GPATCH2: variants seen among roughly 807,000 people sequenced by gnomAD.
The protein encoded by GPATCH2 is G-patch domain containing 2, also known as G patch domain-containing protein 2.
Under a neutral mutation model 58.0 loss-of-function variants are expected in GPATCH2, and 51 were observed. That is an observed-to-expected ratio of 0.88 (90% CI 0.70 to 1.11). The LOEUF (loss-of-function observed/expected upper bound fraction) is 1.11, where lower values mean the gene tolerates loss of function less well. Ranked by LOEUF, GPATCH2 falls within the 50% of genes most tolerant of loss-of-function variation. The pLI, the probability that GPATCH2 is intolerant of heterozygous loss-of-function variation, is 0.00. For synonymous variants in GPATCH2, 222 were observed against 218.5 expected (o/e 1.02, Z -0.14); for missense variants, 625 against 652.2 (o/e 0.96, Z 0.45).
chr1:217,429,842 AAAAAG>A lies in GPATCH2; in HGVS notation c.*1298_*1302del, dbSNP rs2102515403. 1 of 151,656 alleles carries A rather than the reference AAAAAG, an allele frequency of 6.6e-6. No individual in the cohort carries two copies. The highest frequency in any genetic ancestry group is 2.4e-5 in the African/African-American group (1 of 41,402). 9.4% of individuals were successfully genotyped at this position (151,656 alleles called of 1,614,324 possible). The stretch of plus-strand genomic sequence containing the variant: ...GACTCTGTCAAAAAAAAAAAAAAAA[AAAAAG>A]AAACAAAAAAACTCTTTTGGAAAGT... On this transcript the variant is annotated 3_prime_UTR_variant, in exon 10 of 10. Transcript: ENST00000366935.
intron 8 of GPATCH2, among the ~76,000 whole-genome samples, chr1:217,470,908 T>C (rs1255163129): frequency 6.6e-6 from 1 of 151,994 alleles, no homozygotes; most frequent in Non-Finnish European, 1.5e-5. Context: ...ATGAATACTT[T>C]CTATTCATTC....
intron 2 of GPATCH2, among the ~76,000 whole-genome samples, chr1:217,615,977 A>G (rs943373957): frequency 4.6e-5 from 7 of 152,166 alleles, no homozygotes; most frequent in African/African-American, 1.7e-4. Context: ...CAAGTTGACT[A>G]AAAGTAATGT....
intron 1 of GPATCH2, 107 bp from the exon 2 acceptor site, chr1:217,620,606 C>A: frequency 1.5e-6 from 1 of 657,826 alleles, no homozygotes; most frequent in Non-Finnish European, 2.6e-6. Flanking sequence ...TTAATGATTA[C>A]AAAATGTTTC....
At chr1:217,471,462 A>G (rs1489675787) in intron 8 of GPATCH2, among the ~76,000 whole-genome samples, 5 of 152,188 alleles carry the variant, frequency 3.3e-5, no homozygotes, top group African/African-American at 1.2e-4. Context: ...CTTTCCAAAC[A>G]ACAAATGACA....
In GPATCH2 at chr1:217,610,615, A is replaced by C. The variant is rs145147188; in HGVS notation, c.1019-215T>G. Among the ~76,000 whole-genome samples the C allele has an allele frequency of 3.3e-5, 5 of 152,328 alleles. No individual in the cohort carries two copies. The East Asian group carries it at 9.6e-4, about 29-fold the overall frequency. ...TCAGCACTTAACTAACCAGTGTTCAATCACTAGAGTAATAAATACCCATTT... is the reference window on the plus strand; with the variant it reads ...TCAGCACTTAACTAACCAGTGTTCACTCACTAGAGTAATAAATACCCATTT... On this transcript the variant is annotated intron_variant, in intron 4 of 9. Coordinates refer to ENST00000366935, the MANE Select transcript of GPATCH2 (RefSeq NM_018040.5).
At chr1:217,549,252 C>T (rs1327422712) in intron 5 of GPATCH2, among the ~76,000 whole-genome samples, 1 of 152,054 alleles carries the variant, frequency 6.6e-6, no homozygotes, top group East Asian at 1.9e-4. Context: ...AATTAATGAC[C>T]ATAGAATTCA....
At chr1:217,552,020 T>G (rs975696587) in intron 5 of GPATCH2, among the ~76,000 whole-genome samples, 1 of 152,160 alleles carries the variant, frequency 6.6e-6, no homozygotes, top group Non-Finnish European at 1.5e-5. Flanking sequence ...AATCAACCTA[T>G]TTTTAGATGG....
At chr1:217,502,235 A>C (rs894917832) in intron 6 of GPATCH2, among the ~76,000 whole-genome samples, 2 of 152,030 alleles carry the variant, frequency 1.3e-5, no homozygotes, top group Non-Finnish European at 2.9e-5. Context: ...TTTTAAAATA[A>C]TCTTTGCTAT....
At chr1:217,612,732 T>G (rs1668692027) in intron 3 of GPATCH2, among the ~76,000 whole-genome samples, 1 of 152,130 alleles carries the variant, frequency 6.6e-6, no homozygotes, top group African/African-American at 2.4e-5. Flanking sequence ...ACAACTTTAT[T>G]CTTCAATAGG....
intron 5 of GPATCH2, among the ~76,000 whole-genome samples, chr1:217,533,269 A>G (rs1411155519): frequency 1.3e-5 from 2 of 152,164 alleles, no homozygotes; most frequent in African/African-American, 4.8e-5. Context: ...ATGGAGGACT[A>G]CAAAGAGCTT....
chr1:217,459,579 A>C (rs563748524), intron 8 of GPATCH2, among the ~76,000 whole-genome samples: 2 of 152,282 alleles, frequency 1.3e-5, no homozygotes, highest in Non-Finnish European at 2.9e-5. Context: ...TGCTCATTGT[A>C]ATTTGCTTAA....
chr1:217,606,463 T>C (rs1164101391), intron 5 of GPATCH2, among the ~76,000 whole-genome samples: 1 of 152,068 alleles, frequency 6.6e-6, no homozygotes, highest in Non-Finnish European at 1.5e-5. Context: ...AAATTTTATA[T>C]AAAATATGAA....
rs183564360 is a variant in GPATCH2, at chr1:217,436,763, G to C, written c.1367-5398C>G. Among the ~76,000 whole-genome samples the C allele has an allele frequency of 4.5e-4, 69 of 152,218 alleles. 1 individual carries two copies. Among genetic ancestry groups the C allele is most frequent in the Admixed American group, 4.1e-3 (62 of 15,290 alleles). ...GGAGTATTATTGGCCCCATTTTGTA[G>C]ATGTAACTGATGTTTGGAGAGATAA... On this transcript the variant is annotated intron_variant, in intron 9 of 9. Coordinates refer to ENST00000366935, the MANE Select transcript of GPATCH2 (RefSeq NM_018040.5).
chr1:217,564,610 C>T lies in GPATCH2; in HGVS notation c.1098+45711G>A, dbSNP rs559233404. 1.1e-3 allele frequency among the ~76,000 whole-genome samples: 173 copies of T among 152,230 alleles called. 1 individual carries two copies. The highest frequency in any genetic ancestry group is 4.0e-3 in the African/African-American group (168 of 41,532). ...CAGAATGTCCCATTTTTTTCCATTT[C>T]AGCTACAACTTTTTTTCTGGTTTAT... On this transcript the variant is annotated intron_variant, in intron 5 of 9. Coordinates refer to ENST00000366935, the MANE Select transcript of GPATCH2 (RefSeq NM_018040.5).
intron 5 of GPATCH2, among the ~76,000 whole-genome samples, chr1:217,598,454 T>C (rs145627964): frequency 2.9e-4 from 37 of 127,630 alleles, no homozygotes; most frequent in Admixed American, 6.9e-4. Context: ...TTAAAAAAAA[T>C]TTTTTTTTTT....
intron 5 of GPATCH2, among the ~76,000 whole-genome samples, chr1:217,576,961 T>C (rs796959155): frequency 1.3e-5 from 2 of 152,312 alleles, no homozygotes; most frequent in African/African-American, 4.8e-5. Context: ...TGCTGCATAG[T>C]TTTTTAAAAC....
intron 5 of GPATCH2, among the ~76,000 whole-genome samples, chr1:217,585,206 A>C (rs1032268363): frequency 6.6e-6 from 1 of 152,026 alleles, no homozygotes; most frequent in African/African-American, 2.4e-5. Flanking sequence ...TCTCTCAATG[A>C]GACTCATTCA....
At chr1:217,482,757 A>C (rs1661269140) in intron 8 of GPATCH2, among the ~76,000 whole-genome samples, 1 of 152,234 alleles carries the variant, frequency 6.6e-6, no homozygotes, top group African/African-American at 2.4e-5. Flanking sequence ...GGTGCCTGAC[A>C]TACATAAACT....
At chr1:217,608,905 C>T (rs1668489726) in intron 5 of GPATCH2, 1 of 982,836 alleles carries the variant, frequency 1.0e-6, no homozygotes, top group Admixed American at 6.2e-5. Flanking sequence ...GACAAGCAAT[C>T]TAAAAGAAGA....
Sources: gnomAD v4.1 joint callset for allele counts (sites outside exome capture counted in the v4.1 genomes callset) on GRCh38, gnomAD v4.1.1 for gene constraint, MANE v1.5 for transcripts, NCBI Gene and HGNC (gene_info 2026-07-23, HGNC 2026-07-21) for gene names.